Variants in ARHGAP1 observed in about 807,000 individuals in gnomAD.
The protein encoded by ARHGAP1 is rho GTPase-activating protein 1.
A neutral mutation model predicts 52.2 loss-of-function variants in ARHGAP1; 23 were observed. The ratio of observed to expected loss-of-function variants is 0.44; its 90% CI spans 0.32 to 0.62. The LOEUF is 0.62. ARHGAP1 is among the 20% of genes least tolerant of loss of function. ARHGAP1 has a pLI of 0.05. For missense variants in ARHGAP1, 480 were observed against 560.9 expected, an observed-to-expected ratio of 0.86 and a Z score of 1.46; for synonymous variants, 210 against 228.4, an observed-to-expected ratio of 0.92 and a Z score of 0.73.
At position 46,691,453 on chromosome 11, in the gene ARHGAP1, T is replaced by C. The variant is rs2064614694; in HGVS notation, c.230-3193A>G. On this transcript the variant is annotated intron_variant, in intron 3 of 12. Coordinates refer to ENST00000311956, the MANE Select transcript of ARHGAP1 (RefSeq NM_004308.5). Reference sequence around the variant, plus strand: ...GCAGGTGCCAGCACACCAGGCTAATTTTTTTTTTTTTTTTTTTGAGATGGA... The same window carrying C: ...GCAGGTGCCAGCACACCAGGCTAATCTTTTTTTTTTTTTTTTTGAGATGGA... 0.017 allele frequency among the ~76,000 whole-genome samples: 4 copies of C among 230 alleles called. No individual in the cohort carries two copies. In the South Asian group the frequency reaches 0.33, roughly 19 times the overall value. 0.2% of individuals were successfully genotyped at this position (230 alleles called of 152,430 possible).
intron 4 of ARHGAP1, among the ~76,000 whole-genome samples, chr11:46,685,230 A>G (rs1316938072): frequency 1.3e-5 from 2 of 150,220 alleles, no homozygotes; most frequent in Non-Finnish European, 3.0e-5. Context: ...TTTTTTTCAC[A>G]GTTGTCTATA....
intron 3 of ARHGAP1, among the ~76,000 whole-genome samples, chr11:46,693,633 TCCAGGGTGGCCCTGGAGTTAATCA>T (rs1315196453): frequency 1.3e-5 from 2 of 151,968 alleles, no homozygotes; most frequent in Non-Finnish European, 2.9e-5. Flanking sequence ...TGGTCCTAAC[TCCAGGGTGGCCCTGGAGTTAATCA>T]CCAACAGGTC....
intron 1 of ARHGAP1, among the ~76,000 whole-genome samples, chr11:46,699,731 C>T (rs1330564806): frequency 6.6e-6 from 1 of 151,618 alleles, no homozygotes; most frequent in Non-Finnish European, 1.5e-5. Context: ...AAATCATATT[C>T]TCAACGTTGG....
rs372150816 is a variant in ARHGAP1 at position 46,679,328 on chromosome 11, C to G, written c.1131+37G>C. The G allele has an allele frequency of 3.1e-6, 5 of 1,610,464 alleles. No homozygotes were observed. Among genetic ancestry groups the G allele is most frequent in the Non-Finnish European group, 3.4e-6 (4 of 1,177,270 alleles). On this transcript the variant is annotated intron_variant, in intron 12 of 12. Transcript: ENST00000311956. This position sits in a 1 kb window ranked among gnomAD's most constrained non-coding sequence, Gnocchi z 4.4. ...GAGGAGGCGGCAGCTCCTCCTTCCC[C>G]CTCCCTTCACCCCAGAGGCCAAGTC... is the stretch of plus-strand genomic sequence containing the variant.
In ARHGAP1 at chr11:46,681,101, A is replaced by G; in HGVS notation, c.545T>C (p.Phe182Ser). ...ATTCACATAGAAGATCTTCTGCCCG[A>G]ACTTGAAGCTGTTGGTGGAAGAAAG... ...ILFKPLISFK[F>S]GQKIFYVNYL... Residue 182 changes from phenylalanine to serine, a missense_variant, in exon 7 of 13, where the codon TTC becomes TCC. Phe to Ser is a radical substitution (Grantham distance 155, BLOSUM62 -2). Coordinates refer to ENST00000311956, the MANE Select transcript of ARHGAP1 (RefSeq NM_004308.5). The surrounding 1 kb of genome is among the most constrained non-coding windows in gnomAD (Gnocchi z 5.7). 4 of 1,614,062 alleles carry G rather than the reference A, an allele frequency of 2.5e-6. No homozygotes were observed. The highest frequency in any genetic ancestry group is 3.4e-6 in the Non-Finnish European group (4 of 1,179,984).
Position 46,679,907 on chromosome 11 carries a change from G to C in ARHGAP1, c.899-131C>G. On this transcript the variant is annotated intron_variant, in intron 10 of 12. Coordinates refer to ENST00000311956, the MANE Select transcript of ARHGAP1 (RefSeq NM_004308.5). The surrounding 1 kb of genome is among the most constrained non-coding windows in gnomAD (Gnocchi z 4.4). The stretch of plus-strand genomic sequence containing the variant: ...GCCCCTCCTCCCAGGGGCGCCCTCT[G>C]ACACCTGCCTCCCTCTTCCTCTGTG... 7.2e-7 allele frequency: 1 copy of C among 1,382,944 alleles called. No homozygotes were observed. The highest frequency in any genetic ancestry group is 9.7e-7 in the Non-Finnish European group (1 of 1,033,702). The allele number at this position is 1,382,944 out of a possible 1,614,324, so 85.7% of individuals were successfully genotyped here.
In ARHGAP1 at chr11:46,677,183, C is replaced by T. The variant is rs541078810; in HGVS notation, c.*1854G>A. 2.0e-5 allele frequency: 3 copies of T among 152,746 alleles called. No individual in the cohort carries two copies. Among genetic ancestry groups the T allele is most frequent in the African/African-American group, 7.2e-5 (3 of 41,586 alleles). 9.5% of individuals were successfully genotyped at this position (152,746 alleles called of 1,614,324 possible). A position where few individuals can be genotyped will look rare whatever the true frequency, so the allele number is the denominator to read the frequency against. ...TGTGAATGTGAACACTGGATTCACA[C>T]AGTACAAGCACCCGCTCCCTGGGGT... On this transcript the variant is annotated 3_prime_UTR_variant, in exon 13 of 13. Coordinates refer to ENST00000311956, the MANE Select transcript of ARHGAP1 (RefSeq NM_004308.5).
At chr11:46,688,117 T>C (rs1357917080) in intron 4 of ARHGAP1, 56 bp downstream of exon 4, 1 of 1,543,596 alleles carries the variant, frequency 6.5e-7, no homozygotes, top group Non-Finnish European at 8.9e-7. Context: ...AACGTGGCAT[T>C]AGGCTACAAT....
At chr11:46,695,119 C>G (rs1458280497) in intron 3 of ARHGAP1, 14 of 219,464 alleles carry the variant, frequency 6.4e-5, no homozygotes, top group Non-Finnish European at 1.2e-4. Context: ...AGGGAGGGAG[C>G]TCCCTGAGAC....
Position 46,688,402 on chromosome 11 carries a change from G to A in ARHGAP1, c.230-142C>T. The A allele has an allele frequency of 3.8e-6, 3 of 780,266 alleles. No individual in the cohort carries two copies. The South Asian group carries it at 5.2e-5, about 13-fold the overall frequency. The allele number at this position is 780,266 out of a possible 1,614,324, so 48.3% of individuals were successfully genotyped here. A position where few individuals can be genotyped will look rare whatever the true frequency, so the allele number is the denominator to read the frequency against. ...GCCCATGCAGACAGACCTCCGGGCAGCCTCCTGCATGCAAGGGTGTGCCAC... is the reference window on the plus strand; with the variant it reads ...GCCCATGCAGACAGACCTCCGGGCAACCTCCTGCATGCAAGGGTGTGCCAC... On this transcript the variant is annotated intron_variant, in intron 3 of 12. Coordinates refer to ENST00000311956, the MANE Select transcript of ARHGAP1 (RefSeq NM_004308.5).
Position 46,696,149 on chromosome 11 carries a change from A to C in ARHGAP1, c.-42T>G, listed in dbSNP as rs1321534946. Reference sequence around the variant, plus strand: ...GACAGCCTTGCCCTGCAGAACCTTAAGAGAAACCTGGGAGAGAGGAAGACA... The same window carrying C: ...GACAGCCTTGCCCTGCAGAACCTTACGAGAAACCTGGGAGAGAGGAAGACA... On this transcript the variant is annotated 5_prime_UTR_variant, in exon 2 of 13. Coordinates refer to ENST00000311956, the MANE Select transcript of ARHGAP1 (RefSeq NM_004308.5). The surrounding 1 kb of genome is among the most constrained non-coding windows in gnomAD (Gnocchi z 4.8). The C allele has an allele frequency of 3.9e-6, 6 of 1,553,396 alleles. No homozygotes were observed. The highest frequency in any genetic ancestry group is 5.2e-6 in the Non-Finnish European group (6 of 1,149,658).
At position 46,681,935 on chromosome 11, in the gene ARHGAP1, C is replaced by T; in HGVS notation, c.449+116G>A. 2.1e-6 allele frequency: 3 copies of T among 1,443,690 alleles called. No homozygotes were observed. Among genetic ancestry groups the T allele is most frequent in the Middle Eastern group, 2.5e-4 (1 of 3,982 alleles). 89.4% of individuals were successfully genotyped at this position (1,443,690 alleles called of 1,614,324 possible). On this transcript the variant is annotated intron_variant, in intron 5 of 12. Transcript: ENST00000311956. The surrounding 1 kb of genome is among the most constrained non-coding windows in gnomAD (Gnocchi z 5.7). ...AGATTCTTTACATTGACGTAGACGG[C>T]AGCCCCCGCCACCCCCTGCCTTGGA...
chr11:46,695,471 G>C (rs2064644816), intron 3 of ARHGAP1, 189 bp downstream of exon 3: 3 of 695,732 alleles, frequency 4.3e-6, no homozygotes, highest in Non-Finnish European at 5.3e-6. Context: ...AGAGTTCAAA[G>C]AGCAGAGCTG....
chr11:46,694,677 C>T (rs2064639185), intron 3 of ARHGAP1, among the ~76,000 whole-genome samples: 1 of 152,178 alleles, frequency 6.6e-6, no homozygotes, highest in African/African-American at 2.4e-5. Flanking sequence ...CAATTCAGGA[C>T]CAGACTGGGG....
chr11:46,680,770 GTCAGGTCCTGCCTGGC>G lies in ARHGAP1; in HGVS notation c.636-39_636-24del. On this transcript the variant is annotated intron_variant, in intron 7 of 12. Transcript: ENST00000311956. The surrounding 1 kb of genome is among the most constrained non-coding windows in gnomAD (Gnocchi z 5.9). ...TATCTGTAGGAGTAGAGGGAGGTGGGTCAGGTCCTGCCTGGCTCTGGAGTCACTCTGCCAATTCAAT... is the reference window on the plus strand; with the variant it reads ...TATCTGTAGGAGTAGAGGGAGGTGGGTCTGGAGTCACTCTGCCAATTCAAT... 1 of 1,496,494 alleles carries G rather than the reference GTCAGGTCCTGCCTGGC, an allele frequency of 6.7e-7. No homozygotes were observed. Among genetic ancestry groups the G allele is most frequent in the Non-Finnish European group, 9.0e-7 (1 of 1,114,838 alleles). The allele number at this position is 1,496,494 out of a possible 1,614,324, so 92.7% of individuals were successfully genotyped here.
rs774989985 is a variant in ARHGAP1, at chr11:46,685,087, CAA to C, written c.318-2907_318-2906del. On this transcript the variant is annotated intron_variant, in intron 4 of 12. Transcript: ENST00000311956. ...TGGGTGACAGAGCGAGGCTCGGTCT[CAA>C]AAAAAAAAAAAAAAAAAGATACCAA... Among the ~76,000 whole-genome samples, 32 of 80,360 alleles carry C rather than the reference CAA, an allele frequency of 4.0e-4. 1 individual carries two copies. The highest frequency in any genetic ancestry group is 1.4e-4 in the Admixed American group (1 of 7,002). 52.7% of individuals were successfully genotyped at this position (80,360 alleles called of 152,430 possible).
rs762332629 is a variant in ARHGAP1 at position 46,695,968 on chromosome 11, A to G, written c.133+7T>C. 1 of 1,614,186 alleles carries G rather than the reference A, an allele frequency of 6.2e-7. No individual in the cohort carries two copies. The highest frequency in any genetic ancestry group is 2.2e-5 in the East Asian group (1 of 44,872). On this transcript the variant is annotated splice_region_variant and intron_variant, in intron 2 of 12. Coordinates refer to ENST00000311956, the MANE Select transcript of ARHGAP1 (RefSeq NM_004308.5). ...CTGTAGCTGCCTGAGACCAGACACA[A>G]GCCCACCTGACTTGGGGAAGTCAGG...
chr11:46,692,118 C>T (rs1300492102), intron 3 of ARHGAP1, among the ~76,000 whole-genome samples: 1 of 152,172 alleles, frequency 6.6e-6, no homozygotes, highest in East Asian at 1.9e-4. Flanking sequence ...TCCCGGAGGC[C>T]AGCTGGGGGT....
chr11:46,699,431 AC>A (rs1393085324), intron 1 of ARHGAP1, among the ~76,000 whole-genome samples: 1 of 152,164 alleles, frequency 6.6e-6, no homozygotes, highest in Non-Finnish European at 1.5e-5. Flanking sequence ...CCAGCCGGGC[AC>A]GGTGGTTCAC....
Sources: allele counts gnomAD v4.1 joint callset (sites outside exome capture counted in the v4.1 genomes callset), GRCh38; gene constraint gnomAD v4.1.1; non-coding constraint Gnocchi (gnomAD v3.1); transcripts MANE v1.5; gene names NCBI Gene and HGNC (gene_info 2026-07-23, HGNC 2026-07-21).